The following ARFGAP2 variants were observed in gnomAD, a reference collection of about 807,000 sequenced individuals.
ARFGAP2 encodes the protein ADP-ribosylation factor GTPase-activating protein 2.
Under a neutral mutation model 71.9 loss-of-function variants are expected in ARFGAP2, and 45 were observed. That is an observed-to-expected ratio of 0.63 (90% CI 0.49 to 0.80). The LOEUF (loss-of-function observed/expected upper bound fraction) is 0.80, where lower values mean the gene tolerates loss of function less well. Ranked by LOEUF, ARFGAP2 falls within the 30% of genes least tolerant of loss-of-function variation. ARFGAP2 has a pLI of 0.00. For missense variants in ARFGAP2, 633 were observed against 673.9 expected (o/e 0.94, Z 0.67); for synonymous variants, 248 against 249.2 (o/e 1.00, Z 0.05).
intron 5 of ARFGAP2, chr11:47,174,577 A>G (rs2135436675): frequency 6.1e-6 from 1 of 162,790 alleles, no homozygotes; most frequent in East Asian, 1.7e-4. Flanking sequence ...TTGTATTTTT[A>G]GTAGAGACGG....
rs541636899 is a variant in ARFGAP2 at position 47,166,367 on chromosome 11, G to A, written c.1446C>T (p.Asn482=). 144 of 1,614,152 alleles carry A rather than the reference G, an allele frequency of 8.9e-5. No individual in the cohort carries two copies. The highest frequency in any genetic ancestry group is 1.1e-4 in the Non-Finnish European group (131 of 1,180,000). Residue 482 remains asparagine, a synonymous_variant, in exon 15 of 16, where the codon AAC becomes AAT. Transcript: ENST00000524782. The part of the protein sequence containing the change: ...AHGAGSVSLG[N]VLPTADIAQF... ...GGGCAATGTCCGCTGTAGGCAGCAC[G>A]TTCCCCAGAGATACACTTCCTGTAA...
intron 8 of ARFGAP2, 148 bp downstream of exon 8, chr11:47,172,133 C>A (rs1952625169): frequency 9.3e-6 from 8 of 864,598 alleles, no homozygotes; most frequent in Non-Finnish European, 1.1e-5. Flanking sequence ...CCCTTTAAAT[C>A]TTTAAATCCC....
Position 47,166,495 on chromosome 11 carries a change from C to G in ARFGAP2, c.1426+11G>C. 2 of 1,612,946 alleles carry G rather than the reference C, an allele frequency of 1.2e-6. No homozygotes were observed. The highest frequency in any genetic ancestry group is 1.7e-6 in the Non-Finnish European group (2 of 1,179,810). On this transcript the variant is annotated intron_variant, in intron 14 of 15. Coordinates refer to ENST00000524782, the MANE Select transcript of ARFGAP2 (RefSeq NM_032389.6). Reference sequence around the variant, plus strand: ...CCTCACTTGGTGCCTGCCACCCCACCAGGGCCCTACCTGCTCCGTGAGCTC... The same window carrying G: ...CCTCACTTGGTGCCTGCCACCCCACGAGGGCCCTACCTGCTCCGTGAGCTC...
In ARFGAP2 at chr11:47,167,964, C is replaced by T. The variant is rs1952452908; in HGVS notation, c.1150G>A (p.Val384Ile). 1 of 1,614,024 alleles carries T rather than the reference C, an allele frequency of 6.2e-7. No homozygotes were observed. Among genetic ancestry groups the T allele is most frequent in the East Asian group, 2.2e-5 (1 of 44,890 alleles). Residue 384 changes from valine (V) to isoleucine (I), a missense_variant, in exon 12 of 16, where the codon GTA becomes ATA. Val to Ile is a conservative substitution (Grantham distance 29, BLOSUM62 3). Transcript: ENST00000524782. ...DTDAAWGMDR[V>I]EEKEPEVTIS... ...GTCACTTCTGGCTCCTTCTCCTCTA[C>T]CCTGTCCATACCCCAGGCAGCATCT... is the stretch of plus-strand genomic sequence containing the variant.
At position 47,167,229 on chromosome 11, in the gene ARFGAP2, G is replaced by A. The variant is rs371834325; in HGVS notation, c.1206-343C>T. ...GTGACAACTTGCCTAGTACTACAAT[G>A]AGCATATGTGTCGGTCTGCCTGGCT... On this transcript the variant is annotated intron_variant, in intron 12 of 15. Coordinates refer to ENST00000524782, the MANE Select transcript of ARFGAP2 (RefSeq NM_032389.6). Among the ~76,000 whole-genome samples the A allele has an allele frequency of 2.6e-5, 4 of 152,332 alleles. No homozygotes were observed. In the East Asian group the frequency reaches 7.7e-4, roughly 29 times the overall value.
At chr11:47,169,690 T>C (rs2135426308) in intron 10 of ARFGAP2, 1 of 152,088 alleles carries the variant, frequency 6.6e-6, no homozygotes, top group South Asian at 2.1e-4. Context: ...AAACCCTGTC[T>C]CTACTAAAAA....
Position 47,167,925 on chromosome 11 carries a change from G to A in ARFGAP2, c.1189C>T (p.Arg397Trp), listed in dbSNP as rs778449356. ...KEPEVTISSI[R>W]PISERATNRR... ...CCACTCTACCTTTCTGAAATAGGCCGGATGCTTGAGATGGTCACTTCTGGC... is the reference window on the plus strand; with the variant it reads ...CCACTCTACCTTTCTGAAATAGGCCAGATGCTTGAGATGGTCACTTCTGGC... Residue 397 changes from arginine (R) to tryptophan (W), a missense_variant, in exon 12 of 16, where the codon CGG becomes TGG. Transcript: ENST00000524782. 3.7e-5 allele frequency: 60 copies of A among 1,611,106 alleles called. No individual in the cohort carries two copies. The Admixed American group carries it at 9.1e-4, about 24-fold the overall frequency.
chr11:47,173,082 C>T (rs1952664123), intron 7 of ARFGAP2: 1 of 398,150 alleles, frequency 2.5e-6, no homozygotes, highest in Non-Finnish European at 4.7e-6. Context: ...TGTCCCTCCA[C>T]CCCCGGAAAT....
chr11:47,173,946 A>C, intron 5 of ARFGAP2, 106 bp from the exon 6 acceptor site: 1 of 1,531,144 alleles, frequency 6.5e-7, no homozygotes, highest in Non-Finnish European at 8.8e-7. Flanking sequence ...CTCCAAACCC[A>C]TGAGGAAAGG....
chr11:47,176,625 C>A lies in ARFGAP2; in HGVS notation c.82G>T (p.Asp28Tyr). 1 of 1,614,070 alleles carries A rather than the reference C, an allele frequency of 6.2e-7. No individual in the cohort carries two copies. The highest frequency in any genetic ancestry group is 8.5e-7 in the Non-Finnish European group (1 of 1,180,030). ...RAVPTNKACF[D>Y]CGAKNPSWAS... is the part of the protein sequence containing the mutation. Reference sequence around the variant, plus strand: ...CAACTCGGATTCTTGGCGCCGCAGTCGAAACAGGCCTGGGTGGAGGCGGCG... The same window carrying A: ...CAACTCGGATTCTTGGCGCCGCAGTAGAAACAGGCCTGGGTGGAGGCGGCG... Residue 28 changes from aspartate (D) to tyrosine (Y), a missense_variant, in exon 2 of 16, where the codon GAC becomes TAC. By Grantham distance (160) the Asp-to-Tyr change is radical. Transcript: ENST00000524782.
In ARFGAP2 at chr11:47,164,401, G is replaced by A; in HGVS notation, c.*1081C>T. 1.1e-6 allele frequency: 1 copy of A among 920,928 alleles called. No individual in the cohort carries two copies. The allele number at this position is 920,928 out of a possible 1,614,324, so 57.0% of individuals were successfully genotyped here. A position where few individuals can be genotyped will look rare whatever the true frequency, so the allele number is the denominator to read the frequency against. ...CAGAAAGAAAGTCAAGTCCCTCTGG[G>A]GGAGGGGCAAGGGGAAGAGTGGTCT... On this transcript the variant is annotated 3_prime_UTR_variant, in exon 16 of 16. Coordinates refer to ENST00000524782, the MANE Select transcript of ARFGAP2 (RefSeq NM_032389.6).
At chr11:47,174,011 G>A in intron 5 of ARFGAP2, 171 bp from the exon 6 acceptor site, 5 of 1,320,322 alleles carry the variant, frequency 3.8e-6, no homozygotes, top group Non-Finnish European at 5.2e-6. Context: ...AAGAAAGCAG[G>A]AAGACAAGCA....
intron 11 of ARFGAP2, 23 bp from the exon 12 acceptor site, chr11:47,168,066 C>T (rs754937717): frequency 1.2e-6 from 2 of 1,614,126 alleles, no homozygotes; most frequent in African/African-American, 2.7e-5. Flanking sequence ...TAGAGTGGCT[C>T]AGAGAAGCCT....
chr11:47,170,241 T>C (rs1034771349), intron 10 of ARFGAP2, among the ~76,000 whole-genome samples: 1 of 148,070 alleles, frequency 6.8e-6, no homozygotes, highest in African/African-American at 2.5e-5. Context: ...GGAGAATTGC[T>C]TGAATCTGGG....
chr11:47,166,784 G>A lies in ARFGAP2; in HGVS notation c.1308C>T (p.Phe436=), dbSNP rs751864216. Residue 436 remains phenylalanine, a synonymous_variant, in exon 13 of 16, where the codon TTC becomes TTT. Coordinates refer to ENST00000524782, the MANE Select transcript of ARFGAP2 (RefSeq NM_032389.6). The part of the protein sequence containing the change: ...AGAKAISSDM[F]FGREVDAEYE... ...CCTCTGCATCCACCTCCCGCCCAAA[G>A]AACATGTCAGATGAGATGGCTTTGG... 2 of 1,613,996 alleles carry A rather than the reference G, an allele frequency of 1.2e-6. No homozygotes were observed. Among genetic ancestry groups the A allele is most frequent in the Non-Finnish European group, 1.7e-6 (2 of 1,179,992 alleles).
chr11:47,172,231 G>C, intron 8 of ARFGAP2, 50 bp downstream of exon 8: 1 of 1,578,662 alleles, frequency 6.3e-7, no homozygotes, highest in Non-Finnish European at 8.7e-7. Flanking sequence ...AACCCAGGTA[G>C]CCTGCACCCA....
At chr11:47,167,677 G>C (rs1293186040) in intron 12 of ARFGAP2, among the ~76,000 whole-genome samples, 1 of 152,148 alleles carries the variant, frequency 6.6e-6, no homozygotes, top group Non-Finnish European at 1.5e-5. Flanking sequence ...CCAGCCACTG[G>C]TGGCTATTTA....
intron 10 of ARFGAP2, 87 bp downstream of exon 10, chr11:47,171,339 C>T (rs1272676815): frequency 6.4e-7 from 1 of 1,568,524 alleles, no homozygotes; most frequent in Non-Finnish European, 8.6e-7. Context: ...AAACAATAAG[C>T]CTAGCATCCC....
At position 47,176,075 on chromosome 11, in the gene ARFGAP2, G is replaced by A. The variant is rs1289986145; in HGVS notation, c.192-152C>T. ...ATTTCCTCCACACTACCCTGTCCAT[G>A]AAAACTCTCCTCTTCGTTCATTTAC... On this transcript the variant is annotated intron_variant, in intron 2 of 15. Transcript: ENST00000524782. 7.2e-6 allele frequency: 5 copies of A among 698,540 alleles called. No individual in the cohort carries two copies. In the East Asian group the frequency reaches 8.2e-5, roughly 11 times the overall value. The allele number at this position is 698,540 out of a possible 1,614,324, so 43.3% of individuals were successfully genotyped here. A position where few individuals can be genotyped will look rare whatever the true frequency, so the allele number is the denominator to read the frequency against.
Sources: gnomAD v4.1 joint callset for allele counts (sites outside exome capture counted in the v4.1 genomes callset) on GRCh38, gnomAD v4.1.1 for gene constraint, MANE v1.5 for transcripts, NCBI Gene and HGNC (gene_info 2026-07-23, HGNC 2026-07-21) for gene names.